The following PPP1R12B variants were observed in gnomAD, a reference collection of about 807,000 sequenced individuals.
PPP1R12B encodes myosin phosphatase target subunit 2.
A neutral mutation model predicts 126.1 loss-of-function variants in PPP1R12B; 76 were observed. The observed-to-expected ratio is 0.60, with a 90% CI of 0.50 to 0.73. The LOEUF is 0.73. Ranked by LOEUF, PPP1R12B falls within the 30% of genes least tolerant of loss-of-function variation. PPP1R12B has a pLI of 0.00. For synonymous variants in PPP1R12B, 356 were observed against 434.7 expected, an observed-to-expected ratio of 0.82 and a Z score of 2.25; for missense variants, 1,052 against 1,205.1, an observed-to-expected ratio of 0.87 and a Z score of 1.88.
chr1:202,463,765 C>A (rs1674618291), intron 13 of PPP1R12B, among the ~76,000 whole-genome samples: 1 of 152,178 alleles, frequency 6.6e-6, no homozygotes, highest in Non-Finnish European at 1.5e-5. Context: ...AATACAAACA[C>A]ATGCTGAATC....
intron 23 of PPP1R12B, chr1:202,576,268 A>G (rs1689081437): frequency 6.6e-6 from 1 of 152,242 alleles, no homozygotes; most frequent in Non-Finnish European, 1.5e-5. Context: ...TGGATCTGAA[A>G]GACAAGCTCA....
At chr1:202,381,946 T>A (rs1221129483) in intron 1 of PPP1R12B, among the ~76,000 whole-genome samples, 2 of 152,156 alleles carry the variant, frequency 1.3e-5, no homozygotes, top group African/African-American at 4.8e-5. Context: ...GGATTATAAA[T>A]CATGCTGCTG....
intron 13 of PPP1R12B, among the ~76,000 whole-genome samples, chr1:202,471,145 T>C (rs1222060699): frequency 6.6e-6 from 1 of 152,196 alleles, no homozygotes; most frequent in Non-Finnish European, 1.5e-5. Flanking sequence ...TTATTTTTCA[T>C]TTGCATACTT....
Position 202,440,887 on chromosome 1 carries a change from G to A in PPP1R12B, c.1541+99G>A, listed in dbSNP as rs1381366895. 9 of 932,770 alleles carry A rather than the reference G, an allele frequency of 9.6e-6. No individual in the cohort carries two copies. The East Asian group carries it at 1.9e-4, about 20-fold the overall frequency. The allele number at this position is 932,770 out of a possible 1,614,324, so 57.8% of individuals were successfully genotyped here. Reference sequence around the variant, plus strand: ...ACTCTTCTGCATTTTTCCCTCAGGTGTCCTTACCACATTATGAATTGTTTA... The same window carrying A: ...ACTCTTCTGCATTTTTCCCTCAGGTATCCTTACCACATTATGAATTGTTTA... On this transcript the variant is annotated intron_variant, in intron 11 of 23. Coordinates refer to ENST00000608999, the MANE Select transcript of PPP1R12B (RefSeq NM_002481.4).
chr1:202,450,860 T>C (rs1446345970), intron 13 of PPP1R12B, among the ~76,000 whole-genome samples: 3 of 152,350 alleles, frequency 2.0e-5, no homozygotes, highest in Middle Eastern at 3.4e-3. Context: ...TAGTTCCATA[T>C]GAATTTTAGG....
intron 1 of PPP1R12B, among the ~76,000 whole-genome samples, chr1:202,391,163 TAATA>T (rs780641819): frequency 2.2e-4 from 33 of 152,010 alleles, no homozygotes; most frequent in Non-Finnish European, 3.1e-4. Context: ...AGAACTTTAA[TAATA>T]AATAAATAAC....
chr1:202,547,019 G>A (rs562105493), intron 18 of PPP1R12B, among the ~76,000 whole-genome samples: 6 of 139,030 alleles, frequency 4.3e-5, no homozygotes, highest in African/African-American at 9.8e-5. Context: ...CTTATGTTAC[G>A]GTGATGAGTT....
intron 18 of PPP1R12B, among the ~76,000 whole-genome samples, chr1:202,529,318 AAAG>A (rs926537772): frequency 3.3e-5 from 5 of 152,068 alleles, no homozygotes; most frequent in African/African-American, 7.2e-5. Flanking sequence ...AAAAAAAAAA[AAAG>A]AAGTTAGATG....
At chr1:202,418,289 A>G (rs1348124363) in intron 2 of PPP1R12B, among the ~76,000 whole-genome samples, 1 of 152,142 alleles carries the variant, frequency 6.6e-6, no homozygotes, top group Non-Finnish European at 1.5e-5. Context: ...TTCAATTGCT[A>G]TTTGTTCAGG....
At chr1:202,432,059 A>G (rs889104283) in intron 8 of PPP1R12B, among the ~76,000 whole-genome samples, 7 of 152,338 alleles carry the variant, frequency 4.6e-5, no homozygotes, top group African/African-American at 1.7e-4. Context: ...AAATGTCGGT[A>G]TGCTGAGAGG....
intron 15 of PPP1R12B, among the ~76,000 whole-genome samples, chr1:202,494,236 C>T (rs1679243332): frequency 6.6e-6 from 1 of 152,070 alleles, no homozygotes; most frequent in Admixed American, 6.5e-5. Flanking sequence ...GTACCTATTA[C>T]CAGGTATTCT....
At chr1:202,539,273 C>T (rs962790619) in intron 18 of PPP1R12B, among the ~76,000 whole-genome samples, 6 of 152,174 alleles carry the variant, frequency 3.9e-5, no homozygotes, top group Admixed American at 3.3e-4. Flanking sequence ...CCCCAAAGAG[C>T]CTCCCTTTAT....
intron 1 of PPP1R12B, among the ~76,000 whole-genome samples, chr1:202,378,712 T>A (rs1661692406): frequency 6.6e-6 from 1 of 152,122 alleles, no homozygotes; most frequent in South Asian, 2.1e-4. Flanking sequence ...ACTCCTGACC[T>A]GGTGATCCGC....
intron 1 of PPP1R12B, among the ~76,000 whole-genome samples, chr1:202,389,796 G>T (rs1663820503): frequency 6.6e-6 from 1 of 151,368 alleles, no homozygotes; most frequent in African/African-American, 2.4e-5. Flanking sequence ...GCATGGTGGT[G>T]CACGCTTGCA....
intron 23 of PPP1R12B, 32 bp downstream of exon 23, chr1:202,569,229 C>CT (rs758751842): frequency 6.3e-7 from 1 of 1,595,744 alleles, no homozygotes; most frequent in Admixed American, 1.7e-5. Context: ...TTTTGTATGC[C>CT]TGTTCTCTGA....
At chr1:202,481,456 A>G (rs1207949874) in intron 13 of PPP1R12B, among the ~76,000 whole-genome samples, 8 of 152,340 alleles carry the variant, frequency 5.3e-5, no homozygotes, top group Admixed American at 2.0e-4. Flanking sequence ...ACTGTCTTCT[A>G]TTAAGCCAAC....
chr1:202,407,727 A>T (rs1275328904), intron 1 of PPP1R12B, among the ~76,000 whole-genome samples: 1 of 152,156 alleles, frequency 6.6e-6, no homozygotes, highest in Non-Finnish European at 1.5e-5. Context: ...GTCAATCTTA[A>T]CTACTGATAG....
At chr1:202,354,648 C>A (rs1380917566) in intron 1 of PPP1R12B, among the ~76,000 whole-genome samples, 1 of 151,408 alleles carries the variant, frequency 6.6e-6, no homozygotes, top group Non-Finnish European at 1.5e-5. Flanking sequence ...TTACATGTGT[C>A]CCATTCTTTT....
At chr1:202,514,040 C>G (rs1267527676) in intron 18 of PPP1R12B, among the ~76,000 whole-genome samples, 1 of 152,166 alleles carries the variant, frequency 6.6e-6, no homozygotes, top group African/African-American at 2.4e-5. Flanking sequence ...TTTTCTGCAA[C>G]CTTGCCAGCA....
Sources: gnomAD v4.1 joint callset for allele counts (sites outside exome capture counted in the v4.1 genomes callset) on GRCh38, gnomAD v4.1.1 for gene constraint, MANE v1.5 for transcripts, NCBI Gene and HGNC (gene_info 2026-07-23, HGNC 2026-07-21) for gene names.